The following GRAMD1B variants were observed in gnomAD, a reference collection of about 807,000 sequenced individuals.
GRAMD1B encodes the protein protein Aster-B.
GRAMD1B carries 37 observed loss-of-function variants against 99.7 expected under a neutral mutation model. The observed-to-expected ratio is 0.37, with a 90% CI of 0.29 to 0.49. The LOEUF (loss-of-function observed/expected upper bound fraction) is 0.49. Among genes scored for constraint, GRAMD1B ranks in the 20% least tolerant of loss-of-function variants. GRAMD1B has a pLI of 0.98. For missense variants in GRAMD1B, 888 were observed against 1,009.2 expected, an observed-to-expected ratio of 0.88 and a Z score of 1.63; for synonymous variants, 427 against 387.6, an observed-to-expected ratio of 1.10 and a Z score of -1.19.
intron 12 of GRAMD1B, among the ~76,000 whole-genome samples, chr11:123,609,461 G>T (rs550537006): frequency 1.6e-4 from 25 of 152,302 alleles, no homozygotes; most frequent in South Asian, 4.1e-4. Flanking sequence ...TAGAGGAGAG[G>T]ACTTGTTCCC....
chr11:123,598,937 G>A, intron 7 of GRAMD1B: 2 of 1,101,748 alleles, frequency 1.8e-6, no homozygotes, highest in East Asian at 2.3e-5. Context: ...CTTTAGGAAT[G>A]TCAAATAATT....
chr11:123,378,093 C>G (rs1309989428), intron 1 of GRAMD1B, among the ~76,000 whole-genome samples: 1 of 152,172 alleles, frequency 6.6e-6, no homozygotes, highest in Non-Finnish European at 1.5e-5. Context: ...GTTATCAAAG[C>G]TACTGTTTAT....
chr11:123,519,311 G>T (rs1243053685), intron 2 of GRAMD1B, among the ~76,000 whole-genome samples: 1 of 152,210 alleles, frequency 6.6e-6, no homozygotes, highest in Admixed American at 6.5e-5. Context: ...GGGAGGGAGA[G>T]GACAGGGAAG....
At chr11:123,554,540 A>AG (rs1220661205) in intron 2 of GRAMD1B, among the ~76,000 whole-genome samples, 2 of 146,770 alleles carry the variant, frequency 1.4e-5, no homozygotes, top group African/African-American at 2.5e-5. Context: ...AAAAAAAAAA[A>AG]AAAAAGAAAG....
At chr11:123,373,025 G>T (rs891744812) in intron 1 of GRAMD1B, among the ~76,000 whole-genome samples, 1 of 152,116 alleles carries the variant, frequency 6.6e-6, no homozygotes, top group Non-Finnish European at 1.5e-5. Flanking sequence ...TGTAATCCCA[G>T]CTCCTCAGGA....
At chr11:123,577,967 C>CA (rs1443757630) in intron 3 of GRAMD1B, among the ~76,000 whole-genome samples, 1 of 152,074 alleles carries the variant, frequency 6.6e-6, no homozygotes, top group Non-Finnish European at 1.5e-5. Flanking sequence ...GGGAACCTTG[C>CA]AGAATGCTAT....
intron 1 of GRAMD1B, among the ~76,000 whole-genome samples, chr11:123,368,258 C>CAAAAA (rs1024340450): frequency 3.5e-4 from 31 of 87,926 alleles, no homozygotes; most frequent in African/African-American, 4.6e-4. Context: ...CATCTTAAAA[C>CAAAAA]AAAAAAAAAA....
intron 1 of GRAMD1B, among the ~76,000 whole-genome samples, chr11:123,366,952 C>T (rs943710438): frequency 2.0e-5 from 3 of 152,090 alleles, no homozygotes; most frequent in South Asian, 2.1e-4. Flanking sequence ...ACCTGTAATC[C>T]CAGCAATTTG....
At position 123,606,652 on chromosome 11, in the gene GRAMD1B, G is replaced by A. The variant is rs757894340; in HGVS notation, c.1367G>A (p.Gly456Glu). 1 of 1,613,002 alleles carries A rather than the reference G, an allele frequency of 6.2e-7. No individual in the cohort carries two copies. Among genetic ancestry groups the A allele is most frequent in the South Asian group, 1.1e-5 (1 of 90,642 alleles). ...GAGGAAGAGGCGCTGGAGGGAGACGGGTCCCTGGAAAAGGAGCTCGCCATT... is the reference window on the plus strand; with the variant it reads ...GAGGAAGAGGCGCTGGAGGGAGACGAGTCCCTGGAAAAGGAGCTCGCCATT... ...PLEEEALEGDGSLEKELAIDN... is the reference protein window; with the variant it reads ...PLEEEALEGDESLEKELAIDN... The change falls in exon 11 of 20, where the codon GGG (glycine) becomes GAG (glutamate). Residue 456 changes from glycine (G) to glutamate (E), a missense_variant. By Grantham distance (98) the Gly-to-Glu change is moderately conservative. Coordinates refer to ENST00000635736, the MANE Select transcript of GRAMD1B (RefSeq NM_001387025.1).
Position 123,523,088 on chromosome 11 carries a change from T to C in GRAMD1B, c.452+42195T>C, listed in dbSNP as rs6590003. 4.8e-3 allele frequency among the ~76,000 whole-genome samples: 736 copies of C among 152,224 alleles called. 7 individuals carry two copies. The highest frequency in any genetic ancestry group is 0.017 in the African/African-American group (697 of 41,536). On this transcript the variant is annotated intron_variant, in intron 2 of 19. Transcript: ENST00000635736. The stretch of plus-strand genomic sequence containing the variant: ...GGCTCATGCCTGTAATCCCAATACT[T>C]TGGGAGGCCGAGGTGGGCGAATCAC...
intron 2 of GRAMD1B, among the ~76,000 whole-genome samples, chr11:123,518,426 G>T (rs925579332): frequency 9.2e-5 from 14 of 152,162 alleles, no homozygotes; most frequent in African/African-American, 3.1e-4. Flanking sequence ...TGCTTAAACA[G>T]GGGGAAGAGA....
intron 1 of GRAMD1B, among the ~76,000 whole-genome samples, chr11:123,401,805 A>G (rs1947671904): frequency 6.6e-6 from 1 of 152,142 alleles, no homozygotes; most frequent in African/African-American, 2.4e-5. Context: ...GCTACTCAGA[A>G]AGCTGAGGTG....
chr11:123,550,118 A>C (rs1476707220), intron 2 of GRAMD1B, among the ~76,000 whole-genome samples: 1 of 152,186 alleles, frequency 6.6e-6, no homozygotes, highest in African/African-American at 2.4e-5. Flanking sequence ...TTCTCTAAGT[A>C]ACTCACATCC....
intron 7 of GRAMD1B, chr11:123,598,255 T>G: frequency 7.2e-6 from 10 of 1,387,864 alleles, no homozygotes; most frequent in Non-Finnish European, 1.0e-5. Flanking sequence ...ATTTAGGCCA[T>G]GAAGCATATA....
At chr11:123,521,451 T>C (rs1942190495) in intron 2 of GRAMD1B, among the ~76,000 whole-genome samples, 1 of 152,266 alleles carries the variant, frequency 6.6e-6, no homozygotes, top group Admixed American at 6.5e-5. Flanking sequence ...TCAACCAATA[T>C]ATGTTGCACA....
Position 123,548,021 on chromosome 11 carries a change from G to A in GRAMD1B, c.453-29346G>A, listed in dbSNP as rs191186339. 5.6e-4 allele frequency among the ~76,000 whole-genome samples: 85 copies of A among 151,994 alleles called. 2 individuals carry two copies. The East Asian group carries it at 7.9e-3, about 14-fold the overall frequency. On this transcript the variant is annotated intron_variant, in intron 2 of 19. Transcript: ENST00000635736. ...GTACTGCCTACCTCAGGCAGGCTCC[G>A]GCATCTGGGGTGGGTGCACAGCTGC...
rs1167357406 is a variant in GRAMD1B at position 123,430,747 on chromosome 11, G to A, written c.-46G>A. 3.2e-6 allele frequency: 2 copies of A among 615,790 alleles called. No homozygotes were observed. The highest frequency in any genetic ancestry group is 5.5e-5 in the Admixed American group (2 of 36,448). 38.1% of individuals were successfully genotyped at this position (615,790 alleles called of 1,614,324 possible). ...AACAGCCAGAGGGAGACGCGAACCA[G>A]GCCGCTGGCGGAGGGCTCAGGGGGA... On this transcript the variant is annotated 5_prime_UTR_variant, in exon 1 of 20. Transcript: ENST00000635736.
At chr11:123,453,132 A>G (rs1198554483) in intron 1 of GRAMD1B, among the ~76,000 whole-genome samples, 2 of 152,158 alleles carry the variant, frequency 1.3e-5, no homozygotes, top group Non-Finnish European at 2.9e-5. Flanking sequence ...GTTCAACAGT[A>G]TCCTTAGAAG....
intron 1 of GRAMD1B, among the ~76,000 whole-genome samples, chr11:123,363,601 G>T (rs1339776948): frequency 6.7e-6 from 1 of 148,792 alleles, no homozygotes; most frequent in Non-Finnish European, 1.5e-5. Context: ...TTTGGCACTG[G>T]GTTTGGTTCC....
Sources: allele counts gnomAD v4.1 joint callset (sites outside exome capture counted in the v4.1 genomes callset), GRCh38; gene constraint gnomAD v4.1.1; transcripts MANE v1.5; gene names NCBI Gene and HGNC (gene_info 2026-07-23, HGNC 2026-07-21).